The following PRKCE variants were observed in gnomAD, a reference collection of about 807,000 sequenced individuals.
The protein encoded by PRKCE is protein kinase C epsilon type.
PRKCE carries 16 observed loss-of-function variants against 85.4 expected under a neutral mutation model. That is an observed-to-expected ratio of 0.19 (90% confidence interval 0.13 to 0.28). PRKCE has a LOEUF of 0.28. PRKCE is among the 10% of genes least tolerant of loss of function. The pLI is 1.00. For synonymous variants in PRKCE, 388 were observed against 371.5 expected (o/e 1.04, Z -0.51); for missense variants, 573 against 975.2 (o/e 0.59, Z 5.49).
intron 1 of PRKCE, among the ~76,000 whole-genome samples, chr2:45,742,159 G>A (rs1444811253): frequency 1.3e-5 from 2 of 151,994 alleles, no homozygotes; most frequent in East Asian, 3.8e-4. Context: ...TCAACAAAAC[G>A]AAAAGGAAAC....
intron 10 of PRKCE, among the ~76,000 whole-genome samples, chr2:46,011,138 A>G (rs867910306): frequency 4.6e-5 from 7 of 152,344 alleles, no homozygotes; most frequent in Middle Eastern, 3.4e-3. Flanking sequence ...AGAAACAGCA[A>G]TGTTCTTCAT....
intron 2 of PRKCE, among the ~76,000 whole-genome samples, chr2:45,944,935 A>G (rs1185937404): frequency 6.6e-6 from 1 of 152,018 alleles, no homozygotes; most frequent in Non-Finnish European, 1.5e-5. Flanking sequence ...TAGAGTGGGG[A>G]CACCTGTTTT....
intron 1 of PRKCE, among the ~76,000 whole-genome samples, chr2:45,729,098 A>G (rs1360596441): frequency 6.6e-6 from 1 of 152,138 alleles, no homozygotes; most frequent in Non-Finnish European, 1.5e-5. Context: ...TACCATGATG[A>G]CTTGGAAGCC....
At chr2:45,998,744 G>A (rs1032763738) in intron 6 of PRKCE, among the ~76,000 whole-genome samples, 15 of 152,034 alleles carry the variant, frequency 9.9e-5, no homozygotes, top group African/African-American at 4.8e-5. Flanking sequence ...TTGTTTCTAT[G>A]TTTGTCTTCC....
At chr2:45,926,277 T>C (rs1178357517) in intron 2 of PRKCE, among the ~76,000 whole-genome samples, 1 of 152,212 alleles carries the variant, frequency 6.6e-6, no homozygotes, top group Non-Finnish European at 1.5e-5. Flanking sequence ...AAGAGGAATA[T>C]GGGCAGAGGG....
intron 2 of PRKCE, among the ~76,000 whole-genome samples, chr2:45,872,610 G>A (rs1325106474): frequency 2.0e-5 from 3 of 152,178 alleles, no homozygotes; most frequent in Non-Finnish European, 1.5e-5. Flanking sequence ...GGGATAAGAA[G>A]TAGTTAGGTT....
chr2:45,834,322 G>A (rs898993819), intron 1 of PRKCE, among the ~76,000 whole-genome samples: 1 of 152,218 alleles, frequency 6.6e-6, no homozygotes, highest in Non-Finnish European at 1.5e-5. Flanking sequence ...GAAGCAAGCT[G>A]TAGTCTGGGG....
intron 2 of PRKCE, among the ~76,000 whole-genome samples, chr2:45,860,619 G>C (rs1188412487): frequency 2.0e-5 from 3 of 152,214 alleles, no homozygotes; most frequent in Non-Finnish European, 4.4e-5. Flanking sequence ...ATATGTGCAT[G>C]TGAGTGCTGG....
intron 14 of PRKCE, among the ~76,000 whole-genome samples, chr2:46,180,259 G>A (rs752781677): frequency 6.6e-6 from 1 of 152,200 alleles, no homozygotes; most frequent in Admixed American, 6.5e-5. Context: ...CAGGGATAGG[G>A]GAGGGCATTC....
chr2:45,844,626 G>A (rs2105499712), intron 2 of PRKCE, among the ~76,000 whole-genome samples: 1 of 152,286 alleles, frequency 6.6e-6, no homozygotes, highest in East Asian at 1.9e-4. Context: ...TCTAGACACT[G>A]GCGAAACATT....
chr2:45,976,876 T>C (rs1203507054), intron 3 of PRKCE, among the ~76,000 whole-genome samples: 1 of 145,470 alleles, frequency 6.9e-6, no homozygotes, highest in Admixed American at 6.9e-5. Flanking sequence ...TGTGTGTGTG[T>C]GTGTGTGTGT....
intron 11 of PRKCE, among the ~76,000 whole-genome samples, chr2:46,127,158 T>C (rs979904583): frequency 6.6e-6 from 1 of 152,212 alleles, no homozygotes; most frequent in African/African-American, 2.4e-5. Flanking sequence ...TATGTTTAGC[T>C]TCCAGGTTTG....
intron 1 of PRKCE, among the ~76,000 whole-genome samples, chr2:45,664,859 C>A (rs1166934092): frequency 2.6e-5 from 4 of 152,136 alleles, no homozygotes; most frequent in Non-Finnish European, 5.9e-5. Flanking sequence ...GGTGTATATC[C>A]CATTTCTCTG....
intron 2 of PRKCE, among the ~76,000 whole-genome samples, chr2:45,946,174 A>G (rs1464196529): frequency 6.6e-6 from 1 of 152,234 alleles, no homozygotes; most frequent in East Asian, 1.9e-4. Context: ...GGAGCCCTGC[A>G]TCCCTTAAAT....
In PRKCE at chr2:46,159,820, G is replaced by C; in HGVS notation, c.2067+68G>C. The stretch of plus-strand genomic sequence containing the variant: ...CAGGTACTTGCAGGACAGGCTGCGT[G>C]CACCCAGGAAGAGTTGGTCAGGGGA... On this transcript the variant is annotated intron_variant, in intron 14 of 14. Transcript: ENST00000306156. The surrounding 1 kb of genome is among the most constrained non-coding windows in gnomAD (Gnocchi z 4.1). The C allele has an allele frequency of 6.3e-7, 1 of 1,576,072 alleles. No homozygotes were observed. The highest frequency in any genetic ancestry group is 8.6e-7 in the Non-Finnish European group (1 of 1,168,252).
chr2:46,097,136 G>A (rs1670765421), intron 11 of PRKCE, among the ~76,000 whole-genome samples: 3 of 152,112 alleles, frequency 2.0e-5, no homozygotes, highest in Non-Finnish European at 2.9e-5. Flanking sequence ...GTCACTTTGG[G>A]ACCCAGGGAC....
At chr2:45,678,492 G>A (rs548715261) in intron 1 of PRKCE, among the ~76,000 whole-genome samples, 15 of 151,598 alleles carry the variant, frequency 9.9e-5, no homozygotes, top group African/African-American at 1.9e-4. Flanking sequence ...AGTCATTTCC[G>A]AACTTTTTTT....
chr2:45,653,729 T>C lies in PRKCE; in HGVS notation c.348+1281T>C, dbSNP rs553846993. 3.9e-5 allele frequency among the ~76,000 whole-genome samples: 6 copies of C among 152,310 alleles called. 1 individual carries two copies. The South Asian group carries it at 1.0e-3, about 26-fold the overall frequency. On this transcript the variant is annotated intron_variant, in intron 1 of 14. Coordinates refer to ENST00000306156, the MANE Select transcript of PRKCE (RefSeq NM_005400.3). ...TGTTTTTGTGCTCATGGCTGTGATG[T>C]AGTCTGCCTGAAACCATGGTTACGG...
At chr2:46,124,111 G>C (rs944713632) in intron 11 of PRKCE, among the ~76,000 whole-genome samples, 1 of 152,136 alleles carries the variant, frequency 6.6e-6, no homozygotes, top group Non-Finnish European at 1.5e-5. Context: ...GATCACTGGA[G>C]GTCAGGAGTT....
Sources: allele counts gnomAD v4.1 joint callset (sites outside exome capture counted in the v4.1 genomes callset), GRCh38; gene constraint gnomAD v4.1.1; non-coding constraint Gnocchi (gnomAD v3.1); transcripts MANE v1.5; gene names NCBI Gene and HGNC (gene_info 2026-07-23, HGNC 2026-07-21).